Variants in NUFIP2 observed in about 807,000 individuals in gnomAD.
NUFIP2 encodes FMR1-interacting protein NUFIP2.
NUFIP2 carries 6 observed loss-of-function variants against 56.9 expected under a neutral mutation model. The observed-to-expected ratio is 0.11, with a 90% CI of 0.06 to 0.21. The LOEUF (loss-of-function observed/expected upper bound fraction) is 0.21. Ranked by LOEUF, NUFIP2 falls within the 10% of genes least tolerant of loss-of-function variation. NUFIP2 has a pLI of 1.00. For synonymous variants in NUFIP2, 321 were observed against 298.2 expected (o/e 1.08, Z -0.79); for missense variants, 828 against 826.8 (o/e 1.00, Z -0.02).
chr17:29,281,300 C>T (rs963275790), intron 2 of NUFIP2, among the ~76,000 whole-genome samples: 3 of 151,246 alleles, frequency 2.0e-5, no homozygotes, highest in East Asian at 3.9e-4. Context: ...CCAGCCAGGG[C>T]GACAGTGTGA....
At chr17:29,267,210 T>C (rs1192573944) in intron 3 of NUFIP2, among the ~76,000 whole-genome samples, 1 of 119,482 alleles carries the variant, frequency 8.4e-6, no homozygotes, top group Admixed American at 7.9e-5. Flanking sequence ...GGCCCTACAT[T>C]TTTTTTTTTT....
At chr17:29,267,558 C>T (rs779123955) in intron 2 of NUFIP2, 28 bp from the exon 3 acceptor site, 2 of 1,465,610 alleles carry the variant, frequency 1.4e-6, no homozygotes, top group Non-Finnish European at 1.9e-6. Context: ...GAATTACATA[C>T]TAAGTTTTGG....
At position 29,286,767 on chromosome 17, in the gene NUFIP2, A is replaced by G; in HGVS notation, c.1227T>C (p.Val409=). Reference sequence around the variant, plus strand: ...GCCCATTAGAAAAGTTGGCAGAAGTAACAGATTTCAGCGCTGACATAGGGA... The same window carrying G: ...GCCCATTAGAAAAGTTGGCAGAAGTGACAGATTTCAGCGCTGACATAGGGA... ...SQVPMSALKS[V]TSANFSNGPV... is the part of the protein sequence containing the mutation. The change falls in exon 2 of 4, where the codon GTT becomes GTC. Residue 409 remains valine (V), a synonymous_variant. Coordinates refer to ENST00000225388, the MANE Select transcript of NUFIP2 (RefSeq NM_020772.3). 6.2e-7 allele frequency: 1 copy of G among 1,614,138 alleles called. No individual in the cohort carries two copies. Among genetic ancestry groups the G allele is most frequent in the Non-Finnish European group, 8.5e-7 (1 of 1,180,024 alleles).
chr17:29,259,335 ACTTTGGGAGGCT>A lies in NUFIP2; in HGVS notation c.*5192_*5203del, dbSNP rs1311873936. The stretch of plus-strand genomic sequence containing the variant: ...GGTGGCTCACACCTGTAATTCCAGC[ACTTTGGGAGGCT>A]GAGGCGGGCAGATTGCCTGAGGTCA... On this transcript the variant is annotated 3_prime_UTR_variant, in exon 4 of 4. Transcript: ENST00000225388. 1 of 152,246 alleles carries A rather than the reference ACTTTGGGAGGCT, an allele frequency of 6.6e-6. No homozygotes were observed. The highest frequency in any genetic ancestry group is 1.5e-5 in the Non-Finnish European group (1 of 68,112). The allele number at this position is 152,246 out of a possible 1,614,324, so 9.4% of individuals were successfully genotyped here.
At chr17:29,293,118 G>GGGAGCGGGCGCGGGGCGCCGGCCTCGGGA (rs2069228645) in intron 1 of NUFIP2, among the ~76,000 whole-genome samples, 1 of 151,752 alleles carries the variant, frequency 6.6e-6, no homozygotes, top group African/African-American at 2.4e-5. Context: ...CGGCTCTGGG[G>GGGAGCGGGCGCGGGGCGCCGGCCTCGGGA]GGAGCGGGCG....
intron 2 of NUFIP2, among the ~76,000 whole-genome samples, chr17:29,278,255 AT>A (rs201439121): frequency 3.3e-5 from 5 of 149,670 alleles, no homozygotes; most frequent in Admixed American, 1.3e-4. Flanking sequence ...CTTTATTATT[AT>A]TTTTTTTTGA....
rs553678498 is a variant in NUFIP2, at chr17:29,259,665, G to A, written c.*4874C>T. On this transcript the variant is annotated 3_prime_UTR_variant, in exon 4 of 4. Coordinates refer to ENST00000225388, the MANE Select transcript of NUFIP2 (RefSeq NM_020772.3). Reference sequence around the variant, plus strand: ...CATAACAAAATTGTATGGAAAATAGGGAAGTCTGAATCAGCAATCCCATCA... The same window carrying A: ...CATAACAAAATTGTATGGAAAATAGAGAAGTCTGAATCAGCAATCCCATCA... The A allele has an allele frequency of 6.6e-6, 1 of 151,968 alleles. No individual in the cohort carries two copies. The highest frequency in any genetic ancestry group is 1.9e-4 in the East Asian group (1 of 5,172). The allele number at this position is 151,968 out of a possible 1,614,324, so 9.4% of individuals were successfully genotyped here. A position where few individuals can be genotyped will look rare whatever the true frequency, so the allele number is the denominator to read the frequency against.
rs754877765 is a variant in NUFIP2, at chr17:29,293,765, C to T, written c.277+18G>A. 3.9e-6 allele frequency: 6 copies of T among 1,543,382 alleles called. No homozygotes were observed. Among genetic ancestry groups the T allele is most frequent in the Middle Eastern group, 1.8e-4 (1 of 5,648 alleles). ...TCCACCCCCAACCCCCTTCCCCCAC[C>T]CGTCCTCCCTCCCAGACCTGTTTTC... On this transcript the variant is annotated intron_variant, in intron 1 of 3. Transcript: ENST00000225388.
At chr17:29,272,913 T>C (rs923332052) in intron 2 of NUFIP2, among the ~76,000 whole-genome samples, 4 of 151,560 alleles carry the variant, frequency 2.6e-5, no homozygotes, top group Admixed American at 6.6e-5. Flanking sequence ...GCAGCAGTGG[T>C]GCGATCTCAG....
At position 29,285,847 on chromosome 17, in the gene NUFIP2, T is replaced by G. The variant is rs1598435122; in HGVS notation, c.2002+145A>C. On this transcript the variant is annotated intron_variant, in intron 2 of 3. Transcript: ENST00000225388. ...CATACTAGTTCCAAGGACCCTGAAT[T>G]AGTTTGACACCAGCTGCTTATCCAC... 58 of 609,392 alleles carry G rather than the reference T, an allele frequency of 9.5e-5. No homozygotes were observed. In the East Asian group the frequency reaches 1.6e-3, roughly 17 times the overall value. The allele number at this position is 609,392 out of a possible 1,614,324, so 37.7% of individuals were successfully genotyped here.
chr17:29,266,929 G>A (rs530464719), intron 3 of NUFIP2, among the ~76,000 whole-genome samples: 6 of 151,536 alleles, frequency 4.0e-5, no homozygotes, highest in Admixed American at 6.6e-5. Flanking sequence ...TGGAGATGGC[G>A]TTTCGCTCTT....
Position 29,287,699 on chromosome 17 carries a change from C to T in NUFIP2, c.295G>A (p.Gly99Ser), listed in dbSNP as rs1259162172. ...KKKTGYGELNGNAGEREISLK... is the reference protein window; with the variant it reads ...KKKTGYGELNSNAGEREISLK... ...GATATTTCTCTTTCTCCAGCATTAC[C>T]GTTTAGTTCACCATAGCCTAGGGGA... The change falls in exon 2 of 4, where the codon GGT becomes AGT. Residue 99 changes from glycine to serine, a missense_variant. Gly to Ser is a moderately conservative substitution (Grantham distance 56). This residue lies in a region of NUFIP2 where 415 missense variants were observed against 408.7 expected (regional missense o/e 1.02). Transcript: ENST00000225388. The T allele has an allele frequency of 6.8e-6, 11 of 1,607,220 alleles. No individual in the cohort carries two copies. Among genetic ancestry groups the T allele is most frequent in the Admixed American group, 3.4e-5 (2 of 58,584 alleles).
At chr17:29,268,127 G>A (rs2069049730) in intron 2 of NUFIP2, among the ~76,000 whole-genome samples, 1 of 152,158 alleles carries the variant, frequency 6.6e-6, no homozygotes, top group Non-Finnish European at 1.5e-5. Flanking sequence ...TTGAACTCCT[G>A]ACCTCAGGTG....
At position 29,259,578 on chromosome 17, in the gene NUFIP2, A is replaced by C. The variant is rs1030751425; in HGVS notation, c.*4961T>G. ...CTGGGCAACAGACAGTCCGTCTCAA[A>C]AAAAAAAAGGTGGGGGGGGGGGGGA... On this transcript the variant is annotated 3_prime_UTR_variant, in exon 4 of 4. Coordinates refer to ENST00000225388, the MANE Select transcript of NUFIP2 (RefSeq NM_020772.3). 1.3e-5 allele frequency: 1 copy of C among 79,744 alleles called. No homozygotes were observed. Among genetic ancestry groups the C allele is most frequent in the African/African-American group, 4.6e-5 (1 of 21,618 alleles). The allele number at this position is 79,744 out of a possible 1,614,324, so 4.9% of individuals were successfully genotyped here.
intron 1 of NUFIP2, among the ~76,000 whole-genome samples, chr17:29,292,288 G>A (rs894356134): frequency 6.6e-6 from 1 of 151,976 alleles, no homozygotes; most frequent in African/African-American, 2.4e-5. Context: ...AGAAAGAGGG[G>A]TCAAAAAGCT....
chr17:29,285,540 G>A (rs1202064106), intron 2 of NUFIP2, among the ~76,000 whole-genome samples: 3 of 148,490 alleles, frequency 2.0e-5, no homozygotes, highest in East Asian at 2.0e-4. Flanking sequence ...GCAGTGGGCC[G>A]GGATTACGCC....
intron 3 of NUFIP2, among the ~76,000 whole-genome samples, chr17:29,265,623 ATTATT>A (rs995806866): frequency 9.6e-5 from 14 of 145,572 alleles, no homozygotes; most frequent in Admixed American, 7.6e-4. Flanking sequence ...TTTATTATAT[ATTATT>A]TTATTATATA....
intron 2 of NUFIP2, among the ~76,000 whole-genome samples, chr17:29,284,128 T>A (rs1322896088): frequency 3.3e-5 from 5 of 152,148 alleles, no homozygotes; most frequent in Non-Finnish European, 7.4e-5. Context: ...TCTGGTATGG[T>A]CCCCTTTCCC....
chr17:29,264,606 AAAAT>A lies in NUFIP2; in HGVS notation c.2036-19_2036-16del, dbSNP rs767779688. The A allele has an allele frequency of 1.4e-6, 2 of 1,430,448 alleles. No homozygotes were observed. Among genetic ancestry groups the A allele is most frequent in the East Asian group, 4.6e-5 (2 of 43,778 alleles). 88.6% of individuals were successfully genotyped at this position (1,430,448 alleles called of 1,614,324 possible). On this transcript the variant is annotated splice_polypyrimidine_tract_variant and intron_variant, in intron 3 of 3. Transcript: ENST00000225388. The stretch of plus-strand genomic sequence containing the variant: ...CCTTTTGGGATCTAGAAAGGTTAAA[AAAAT>A]AAATAAAAATAAGGTCTAGAATCTC...
Sources: allele counts gnomAD v4.1 joint callset (sites outside exome capture counted in the v4.1 genomes callset), GRCh38; gene constraint gnomAD v4.1.1; regional missense constraint gnomAD v4.1.1; transcripts MANE v1.5; gene names NCBI Gene and HGNC (gene_info 2026-07-23, HGNC 2026-07-21).